The following KCNT2 variants were observed in gnomAD, a reference collection of about 807,000 sequenced individuals.
KCNT2 encodes the protein potassium sodium-activated channel subfamily T member 2.
A neutral mutation model predicts 153.8 loss-of-function variants in KCNT2; 67 were observed. The observed-to-expected ratio is 0.44, with a 90% CI of 0.36 to 0.53. KCNT2 has a LOEUF of 0.53. KCNT2 is among the 20% of genes least tolerant of loss of function. The pLI is 0.00. For missense variants in KCNT2, 975 were observed against 1,354.8 expected (o/e 0.72, Z 4.40); for synonymous variants, 500 against 458.8 (o/e 1.09, Z -1.15).
intron 22 of KCNT2, among the ~76,000 whole-genome samples, chr1:196,293,985 G>A (rs183582196): frequency 5.9e-5 from 9 of 151,538 alleles, no homozygotes; most frequent in Non-Finnish European, 1.2e-4. Context: ...AAATATATAA[G>A]GACTCAAACA....
intron 26 of KCNT2, among the ~76,000 whole-genome samples, chr1:196,252,815 A>T (rs1488021217): frequency 6.6e-6 from 1 of 151,238 alleles, no homozygotes; most frequent in Non-Finnish European, 1.5e-5. Context: ...TTTTAGAAAG[A>T]TATCTATATT....
At chr1:196,345,716 A>T (rs1021495483) in intron 14 of KCNT2, among the ~76,000 whole-genome samples, 2 of 152,198 alleles carry the variant, frequency 1.3e-5, no homozygotes, top group African/African-American at 4.8e-5. Flanking sequence ...GGTTTGGATC[A>T]TGTTAGATTC....
intron 8 of KCNT2, among the ~76,000 whole-genome samples, chr1:196,455,853 T>C (rs1676622827): frequency 6.6e-6 from 1 of 152,018 alleles, no homozygotes; most frequent in African/African-American, 2.4e-5. Flanking sequence ...CAAGAAACCT[T>C]TCTGACCCTG....
chr1:196,335,985 A>T (rs1664987120), intron 16 of KCNT2, among the ~76,000 whole-genome samples: 1 of 152,024 alleles, frequency 6.6e-6, no homozygotes, highest in African/African-American at 2.4e-5. Flanking sequence ...ATACCCCTGG[A>T]TCCCTTGATA....
At chr1:196,295,089 A>G (rs546564630) in intron 22 of KCNT2, among the ~76,000 whole-genome samples, 120 of 151,694 alleles carry the variant, frequency 7.9e-4, no homozygotes, top group African/African-American at 2.5e-3. Context: ...GAGGTCCTGG[A>G]TTTGTTAATT....
chr1:196,273,382 C>T lies in KCNT2; in HGVS notation c.2910+7478G>A, dbSNP rs116057479. 3,413 of 819,252 alleles carry T rather than the reference C, an allele frequency of 4.2e-3. 22 individuals carry two copies. Among genetic ancestry groups the T allele is most frequent in the African/African-American group, 0.021 (1,217 of 57,922 alleles). The allele number at this position is 819,252 out of a possible 1,614,324, so 50.7% of individuals were successfully genotyped here. A position where few individuals can be genotyped will look rare whatever the true frequency, so the allele number is the denominator to read the frequency against. On this transcript the variant is annotated intron_variant, in intron 25 of 27. Coordinates refer to ENST00000294725, the MANE Select transcript of KCNT2 (RefSeq NM_198503.5). ...CATTTTAATGTCTGAGTATTAAATTCAATATTTAATATTATTTTTCTTTAA... is the reference window on the plus strand; with the variant it reads ...CATTTTAATGTCTGAGTATTAAATTTAATATTTAATATTATTTTTCTTTAA...
Position 196,373,248 on chromosome 1 carries a change from T to A in KCNT2, c.1295A>T (p.Asp432Val). The part of the protein sequence containing the change: ...PENKFHIKFA[D>V]HVVCEEEFKY... ...AAACTCTTCTTCACAAACAACATGATCTGTTTGAAATAAAATAGGTAAATT... is the reference window on the plus strand; with the variant it reads ...AAACTCTTCTTCACAAACAACATGAACTGTTTGAAATAAAATAGGTAAATT... Residue 432 changes from aspartate (D) to valine (V), a missense_variant and splice_region_variant, in exon 14 of 28, where the codon GAT (aspartate) becomes GTT (valine). Coordinates refer to ENST00000294725, the MANE Select transcript of KCNT2 (RefSeq NM_198503.5). The A allele has an allele frequency of 7.4e-7, 1 of 1,350,822 alleles. No individual in the cohort carries two copies. The highest frequency in any genetic ancestry group is 1.1e-6 in the Non-Finnish European group (1 of 943,394). 83.7% of individuals were successfully genotyped at this position (1,350,822 alleles called of 1,614,324 possible).
chr1:196,411,444 G>GT (rs1337522260), intron 12 of KCNT2, among the ~76,000 whole-genome samples: 1 of 60,184 alleles, frequency 1.7e-5, no homozygotes, highest in African/African-American at 5.8e-5. Context: ...AACTATTCCA[G>GT]TTAAAAAAAA....
chr1:196,371,220 CA>C (rs952744388), intron 14 of KCNT2, among the ~76,000 whole-genome samples: 1,439 of 21,856 alleles, frequency 0.066, no homozygotes, highest in Non-Finnish European at 0.081. Context: ...CCCGTCACTA[CA>C]AAAAAAAAAA....
intron 13 of KCNT2, among the ~76,000 whole-genome samples, chr1:196,375,020 GA>G (rs750757316): frequency 2.0e-5 from 3 of 151,722 alleles, no homozygotes; most frequent in Non-Finnish European, 3.0e-5. Context: ...GGGAATGTGA[GA>G]AAATGTGATG....
At chr1:196,572,567 A>G (rs1660902536) in intron 1 of KCNT2, among the ~76,000 whole-genome samples, 1 of 152,080 alleles carries the variant, frequency 6.6e-6, no homozygotes, top group Non-Finnish European at 1.5e-5. Context: ...AGCAATTCCT[A>G]TTCACTATCA....
At chr1:196,468,589 A>C (rs1677812585) in intron 6 of KCNT2, among the ~76,000 whole-genome samples, 1 of 152,044 alleles carries the variant, frequency 6.6e-6, no homozygotes, top group Admixed American at 6.6e-5. Context: ...AACTAGACTT[A>C]ATAAATCTTG....
intron 18 of KCNT2, among the ~76,000 whole-genome samples, chr1:196,327,378 A>C (rs1194306292): frequency 6.6e-6 from 1 of 152,058 alleles, no homozygotes; most frequent in Non-Finnish European, 1.5e-5. Context: ...TGGCACGATA[A>C]TGATTCAAAT....
At chr1:196,563,597 T>C (rs943750105) in intron 1 of KCNT2, among the ~76,000 whole-genome samples, 2 of 151,858 alleles carry the variant, frequency 1.3e-5, no homozygotes, top group African/African-American at 4.8e-5. Context: ...ATAATATGTA[T>C]GGTTAATATA....
At chr1:196,296,666 T>C (rs1299034384) in intron 22 of KCNT2, among the ~76,000 whole-genome samples, 1 of 152,068 alleles carries the variant, frequency 6.6e-6, no homozygotes, top group Non-Finnish European at 1.5e-5. Flanking sequence ...ATACTTAAAA[T>C]AAACTCACAA....
At chr1:196,279,082 G>A (rs1658846967) in intron 25 of KCNT2, among the ~76,000 whole-genome samples, 1 of 152,128 alleles carries the variant, frequency 6.6e-6, no homozygotes, top group South Asian at 2.1e-4. Context: ...TCAAAACTTT[G>A]AGAATTAAAT....
intron 1 of KCNT2, among the ~76,000 whole-genome samples, chr1:196,538,689 T>G (rs988186810): frequency 2.0e-5 from 3 of 152,192 alleles, no homozygotes; most frequent in African/African-American, 7.2e-5. Context: ...GCTCCAAAAC[T>G]GCTGAGTCAG....
chr1:196,365,835 A>T (rs1194606452), intron 14 of KCNT2, among the ~76,000 whole-genome samples: 1 of 152,198 alleles, frequency 6.6e-6, no homozygotes, highest in Non-Finnish European at 1.5e-5. Flanking sequence ...AAATTAAAAG[A>T]TTGACTCTTA....
chr1:196,330,125 A>G (rs1348086089), intron 18 of KCNT2, among the ~76,000 whole-genome samples: 11 of 150,722 alleles, frequency 7.3e-5, no homozygotes, highest in Non-Finnish European at 1.5e-5. Flanking sequence ...AATGGCAAAG[A>G]TTCTCAAAGC....
Sources: gnomAD v4.1 joint callset for allele counts (sites outside exome capture counted in the v4.1 genomes callset) on GRCh38, gnomAD v4.1.1 for gene constraint, MANE v1.5 for transcripts, NCBI Gene and HGNC (gene_info 2026-07-23, HGNC 2026-07-21) for gene names.